Variants in EEPD1 observed in about 807,000 individuals in gnomAD.
EEPD1 encodes the protein endonuclease/exonuclease/phosphatase family domain containing 1, also known as endonuclease/exonuclease/phosphatase family domain-containing protein 1.
A neutral mutation model predicts 46.3 loss-of-function variants in EEPD1; 17 were observed. The ratio of observed to expected loss-of-function variants is 0.37; its 90% CI spans 0.25 to 0.55. The LOEUF (loss-of-function observed/expected upper bound fraction) is 0.55. Ranked by LOEUF, EEPD1 falls within the 20% of genes least tolerant of loss-of-function variation. The pLI is 0.83. For missense variants in EEPD1, 673 were observed against 745.6 expected (o/e 0.90, Z 1.13); for synonymous variants, 313 against 315.6 (o/e 0.99, Z 0.09).
intron 6 of EEPD1, among the ~76,000 whole-genome samples, chr7:36,290,981 G>T (rs950151949): frequency 9.9e-5 from 15 of 152,170 alleles, no homozygotes; most frequent in Non-Finnish European, 1.9e-4. Context: ...GATTCAATCG[G>T]AAGAACATGA....
At chr7:36,220,190 T>C (rs898007290) in intron 2 of EEPD1, among the ~76,000 whole-genome samples, 3 of 152,032 alleles carry the variant, frequency 2.0e-5, no homozygotes, top group Non-Finnish European at 2.9e-5. Context: ...GGAAGAACAA[T>C]TGGGAAGAAG....
Position 36,154,447 on chromosome 7 carries a change from C to T in EEPD1, c.123C>T (p.Asn41=), listed in dbSNP as rs765781241. The T allele has an allele frequency of 1.9e-6, 3 of 1,614,210 alleles. No individual in the cohort carries two copies. The part of the protein sequence containing the change: ...SNILVNQERL[N]INTATEEELM... ...TTCTAGTGAATCAGGAGCGGCTCAA[C>T]ATCAACACTGCCACGGAGGAGGAGC... is the stretch of plus-strand genomic sequence containing the variant. The change falls in exon 2 of 8, where the codon AAC becomes AAT. Residue 41 remains asparagine, a synonymous_variant. Coordinates refer to ENST00000242108, the MANE Select transcript of EEPD1 (RefSeq NM_030636.3). This position sits in a 1 kb window ranked among gnomAD's most constrained non-coding sequence, Gnocchi z 4.2.
intron 2 of EEPD1, among the ~76,000 whole-genome samples, chr7:36,160,132 TACTC>T (rs769125070): frequency 1.4e-4 from 21 of 152,226 alleles, no homozygotes; most frequent in Admixed American, 1.2e-3. Flanking sequence ...ATTCCTTTCT[TACTC>T]ACTCATTCAC....
At chr7:36,157,201 G>A (rs1784838230) in intron 2 of EEPD1, among the ~76,000 whole-genome samples, 1 of 152,042 alleles carries the variant, frequency 6.6e-6, no homozygotes, top group Non-Finnish European at 1.5e-5. Context: ...GTATCACAGG[G>A]GCTCCTGGAA....
At chr7:36,291,264 G>A (rs894681976) in intron 6 of EEPD1, among the ~76,000 whole-genome samples, 7 of 152,266 alleles carry the variant, frequency 4.6e-5, no homozygotes, top group East Asian at 3.9e-4. Flanking sequence ...TTGTGGTTCC[G>A]CTTGTCTGTT....
chr7:36,221,507 A>G (rs1786145435), intron 2 of EEPD1, among the ~76,000 whole-genome samples: 1 of 152,260 alleles, frequency 6.6e-6, no homozygotes, highest in African/African-American at 2.4e-5. Flanking sequence ...AGATTATTTA[A>G]TAATAATAAC....
At chr7:36,171,134 G>A (rs1008858346) in intron 2 of EEPD1, among the ~76,000 whole-genome samples, 3 of 152,086 alleles carry the variant, frequency 2.0e-5, no homozygotes, top group Non-Finnish European at 4.4e-5. Context: ...TGCGGCCAAG[G>A]CCGGTCTTGA....
intron 6 of EEPD1, among the ~76,000 whole-genome samples, chr7:36,292,999 T>A (rs1227747654): frequency 4.2e-5 from 6 of 141,746 alleles, no homozygotes; most frequent in Admixed American, 2.1e-4. Flanking sequence ...AAAAAAAAAA[T>A]TATTCCCAGT....
chr7:36,287,701 C>G lies in EEPD1; in HGVS notation c.1239C>G (p.Ser413Arg). Residue 413 changes from serine to arginine, a missense_variant, in exon 6 of 8, where the codon AGC (serine) becomes AGG (arginine). Physicochemically the swap from Ser to Arg is moderately radical, Grantham distance 110. Coordinates refer to ENST00000242108, the MANE Select transcript of EEPD1 (RefSeq NM_030636.3). ...TGGCAGCCCTGACCCTCCTGGGGAGCGAGAATCCCAGCAAGAATCACAGTG... is the reference window on the plus strand; with the variant it reads ...TGGCAGCCCTGACCCTCCTGGGGAGGGAGAATCCCAGCAAGAATCACAGTG... ...LHLAALTLLG[S>R]ENPSKNHSDG... The G allele has an allele frequency of 1.2e-6, 2 of 1,614,138 alleles. No individual in the cohort carries two copies. The highest frequency in any genetic ancestry group is 1.7e-6 in the Non-Finnish European group (2 of 1,180,020).
chr7:36,197,913 A>T (rs537925237), intron 2 of EEPD1, among the ~76,000 whole-genome samples: 12 of 151,962 alleles, frequency 7.9e-5, no homozygotes, highest in Non-Finnish European at 1.8e-4. Context: ...AAAAAAATAA[A>T]AAAAAATATG....
intron 2 of EEPD1, among the ~76,000 whole-genome samples, chr7:36,172,547 C>G (rs1180412297): frequency 1.3e-5 from 2 of 151,534 alleles, no homozygotes; most frequent in Admixed American, 1.3e-4. Flanking sequence ...GGCCTGCAGG[C>G]TGCATGCAGC....
At chr7:36,157,389 G>A (rs1165261964) in intron 2 of EEPD1, among the ~76,000 whole-genome samples, 1 of 152,220 alleles carries the variant, frequency 6.6e-6, no homozygotes, top group Non-Finnish European at 1.5e-5. Context: ...GAGCAAAGAC[G>A]GCTGGCCTCA....
chr7:36,220,189 A>G (rs146950636), intron 2 of EEPD1, among the ~76,000 whole-genome samples: 3 of 152,300 alleles, frequency 2.0e-5, no homozygotes, highest in South Asian at 2.1e-4. Flanking sequence ...AGGAAGAACA[A>G]TTGGGAAGAA....
At chr7:36,228,932 T>G (rs552635064) in intron 2 of EEPD1, 1 of 152,418 alleles carries the variant, frequency 6.6e-6, no homozygotes, top group South Asian at 2.1e-4. Flanking sequence ...CCATTGCCCC[T>G]GGCCTCCGGG....
In EEPD1 at chr7:36,179,441, C is replaced by G. The variant is rs936135121; in HGVS notation, c.878+24239C>G. On this transcript the variant is annotated intron_variant, in intron 2 of 7. Coordinates refer to ENST00000242108, the MANE Select transcript of EEPD1 (RefSeq NM_030636.3). ...CATTATTTTAAAATTAGGAATAGGG[C>G]TGGGCACAGTGGCACACACCTGTAA... Among the ~76,000 whole-genome samples the G allele has an allele frequency of 2.0e-5, 3 of 151,906 alleles. No homozygotes were observed. The South Asian group carries it at 6.2e-4, about 31-fold the overall frequency.
At chr7:36,271,552 C>T (rs1787102193) in intron 3 of EEPD1, among the ~76,000 whole-genome samples, 1 of 152,012 alleles carries the variant, frequency 6.6e-6, no homozygotes, top group Non-Finnish European at 1.5e-5. Flanking sequence ...TTCTCCCATT[C>T]TGTAGGTTGC....
At chr7:36,283,678 A>G (rs966364365) in intron 4 of EEPD1, among the ~76,000 whole-genome samples, 3 of 152,232 alleles carry the variant, frequency 2.0e-5, no homozygotes, top group African/African-American at 7.2e-5. Context: ...TTTCAAATAT[A>G]GAAGTGCACA....
At chr7:36,156,181 G>C (rs1014608376) in intron 2 of EEPD1, among the ~76,000 whole-genome samples, 3 of 152,014 alleles carry the variant, frequency 2.0e-5, no homozygotes, top group East Asian at 3.9e-4. Context: ...GGCTGGCGGC[G>C]GGGGGGCAGC....
intron 2 of EEPD1, among the ~76,000 whole-genome samples, chr7:36,206,280 C>T (rs1249049380): frequency 6.6e-6 from 1 of 151,974 alleles, no homozygotes; most frequent in Non-Finnish European, 1.5e-5. Flanking sequence ...GCAATGTGAG[C>T]CACATATGCA....
Sources: allele counts gnomAD v4.1 joint callset (sites outside exome capture counted in the v4.1 genomes callset), GRCh38; gene constraint gnomAD v4.1.1; non-coding constraint Gnocchi (gnomAD v3.1); transcripts MANE v1.5; gene names NCBI Gene and HGNC (gene_info 2026-07-23, HGNC 2026-07-21).